HIPK2: variants seen among roughly 807,000 people sequenced by gnomAD.
HIPK2 encodes the protein homeodomain-interacting protein kinase 2.
HIPK2 carries 27 observed loss-of-function variants against 113.7 expected under a neutral mutation model. That is an observed-to-expected ratio of 0.24 (90% CI 0.17 to 0.33). The LOEUF (loss-of-function observed/expected upper bound fraction) is 0.33. Among genes scored for constraint, HIPK2 ranks in the 10% least tolerant of loss-of-function variants. HIPK2 has a pLI of 1.00. For synonymous variants in HIPK2, 631 were observed against 642.2 expected (o/e 0.98, Z 0.26); for missense variants, 1,257 against 1,588.0 (o/e 0.79, Z 3.54).
chr7:139,760,286 G>T (rs71543343), intron 1 of HIPK2, among the ~76,000 whole-genome samples: 2,073 of 151,712 alleles, frequency 0.014, 22 homozygotes, highest in Non-Finnish European at 0.022. Flanking sequence ...TTACAGGCGT[G>T]AGCCACCGCA....
chr7:139,575,946 C>T (rs912278635), intron 13 of HIPK2, among the ~76,000 whole-genome samples: 1 of 152,222 alleles, frequency 6.6e-6, no homozygotes, highest in African/African-American at 2.4e-5. Context: ...CTTGGACTTC[C>T]AGTCTTCAGA....
chr7:139,723,302 T>C (rs922101744), intron 1 of HIPK2, among the ~76,000 whole-genome samples: 46 of 151,592 alleles, frequency 3.0e-4, no homozygotes, highest in Non-Finnish European at 5.9e-5. Flanking sequence ...CAAGCGAATC[T>C]CCTGCCTCAG....
At chr7:139,718,559 G>A (rs1418641548) in intron 1 of HIPK2, among the ~76,000 whole-genome samples, 2 of 152,128 alleles carry the variant, frequency 1.3e-5, no homozygotes, top group Non-Finnish European at 2.9e-5. Context: ...GAGAGAAAGA[G>A]GTGTTGCTCT....
chr7:139,755,215 C>T (rs1206050284), intron 1 of HIPK2, among the ~76,000 whole-genome samples: 25 of 152,316 alleles, frequency 1.6e-4, no homozygotes, highest in Non-Finnish European at 5.9e-5. Context: ...TAAAGAGATG[C>T]TCTTTTTCCC....
chr7:139,697,006 A>G (rs1244446171), intron 2 of HIPK2, among the ~76,000 whole-genome samples: 5 of 152,232 alleles, frequency 3.3e-5, no homozygotes, highest in African/African-American at 1.2e-4. Context: ...AGTTGCAGAA[A>G]TGGAATTTTA....
chr7:139,749,031 A>G (rs533272994), intron 1 of HIPK2, among the ~76,000 whole-genome samples: 2 of 152,380 alleles, frequency 1.3e-5, no homozygotes, highest in East Asian at 3.9e-4. Flanking sequence ...CAAAAACCTG[A>G]CCTTGAATAC....
At chr7:139,616,174 T>C (rs1010608355) in intron 7 of HIPK2, among the ~76,000 whole-genome samples, 2 of 152,170 alleles carry the variant, frequency 1.3e-5, no homozygotes, top group African/African-American at 2.4e-5. Context: ...TGCCAGCCAC[T>C]GCTCCTGCTG....
rs1799529452 is a variant in HIPK2, at chr7:139,604,020, G to T, written c.2255+61C>A. 1.9e-6 allele frequency: 3 copies of T among 1,606,808 alleles called. No homozygotes were observed. The East Asian group carries it at 6.7e-5, about 36-fold the overall frequency. ...AGGCCAGCCTGGCAGCCCTGTGTTG[G>T]CAGTGGACGTGCCTCCCATCCCAGA... is the stretch of plus-strand genomic sequence containing the variant. On this transcript the variant is annotated intron_variant, in intron 10 of 14. Coordinates refer to ENST00000406875, the MANE Select transcript of HIPK2 (RefSeq NM_022740.5).
At chr7:139,758,100 T>A (rs1210575439) in intron 1 of HIPK2, among the ~76,000 whole-genome samples, 2 of 152,130 alleles carry the variant, frequency 1.3e-5, no homozygotes, top group Non-Finnish European at 2.9e-5. Flanking sequence ...TTTAATGTGA[T>A]CCCAATGGAA....
intron 2 of HIPK2, among the ~76,000 whole-genome samples, chr7:139,638,205 GC>G (rs1800876023): frequency 2.0e-5 from 3 of 152,250 alleles, no homozygotes; most frequent in East Asian, 1.9e-4. Context: ...CCTCACTACA[GC>G]CACCTGCTGC....
intron 6 of HIPK2, among the ~76,000 whole-genome samples, chr7:139,621,996 T>C (rs750455680): frequency 2.4e-4 from 36 of 151,752 alleles, no homozygotes; most frequent in Non-Finnish European, 4.4e-4. Context: ...AAATGTCTAT[T>C]TTAATTATAA....
At chr7:139,643,899 G>C (rs886735182) in intron 2 of HIPK2, among the ~76,000 whole-genome samples, 5 of 152,134 alleles carry the variant, frequency 3.3e-5, no homozygotes, top group Non-Finnish European at 7.4e-5. Context: ...GGCCTGGGTG[G>C]CCCAATATCC....
chr7:139,710,060 C>T (rs1275645926), intron 2 of HIPK2, among the ~76,000 whole-genome samples: 1 of 152,082 alleles, frequency 6.6e-6, no homozygotes, highest in Non-Finnish European at 1.5e-5. Context: ...CTCAAAACAT[C>T]CCCACAACTT....
intron 2 of HIPK2, among the ~76,000 whole-genome samples, chr7:139,677,260 G>GAC (rs71170909): frequency 0.34 from 51,223 of 149,842 alleles, 9,637 homozygotes; most frequent in East Asian, 0.77. Flanking sequence ...TATATATGGA[G>GAC]ACACACACAC....
At chr7:139,687,652 A>G (rs755100387) in intron 2 of HIPK2, among the ~76,000 whole-genome samples, 5 of 151,054 alleles carry the variant, frequency 3.3e-5, no homozygotes, top group African/African-American at 9.7e-5. Context: ...TCCCATGTCT[A>G]AAGTCCCTCA....
intron 2 of HIPK2, among the ~76,000 whole-genome samples, chr7:139,662,475 A>C (rs1801897813): frequency 6.6e-6 from 1 of 152,198 alleles, no homozygotes; most frequent in Non-Finnish European, 1.5e-5. Flanking sequence ...CACTTGCCAA[A>C]GAAATCCTGT....
intron 2 of HIPK2, among the ~76,000 whole-genome samples, chr7:139,640,320 C>G (rs1800966542): frequency 6.6e-6 from 1 of 152,224 alleles, no homozygotes; most frequent in Admixed American, 6.5e-5. Context: ...TGACTGCACA[C>G]ACTGAGAAGC....
At chr7:139,664,025 C>T (rs961732895) in intron 2 of HIPK2, among the ~76,000 whole-genome samples, 1 of 152,218 alleles carries the variant, frequency 6.6e-6, no homozygotes, top group East Asian at 1.9e-4. Flanking sequence ...TCTGCCCCCA[C>T]GCTTGGTACC....
In HIPK2 at chr7:139,716,240, T is replaced by C; in HGVS notation, c.795A>G (p.Glu265=). Residue 265 remains glutamate, a synonymous_variant, in exon 2 of 15, where the codon GAA becomes GAG. Transcript: ENST00000406875. This position sits in a 1 kb window ranked among gnomAD's most constrained non-coding sequence, Gnocchi z 9.3. ...ADDYNFVRAY[E]CFQHKNHTCL... ...ACGTGTGGTTCTTGTGCTGGAAGCATTCGTAGGCCCGGACGAAGTTATAGT... is the reference window on the plus strand; with the variant it reads ...ACGTGTGGTTCTTGTGCTGGAAGCACTCGTAGGCCCGGACGAAGTTATAGT... The C allele has an allele frequency of 1.2e-6, 2 of 1,614,014 alleles. No homozygotes were observed. Among genetic ancestry groups the C allele is most frequent in the Non-Finnish European group, 8.5e-7 (1 of 1,179,904 alleles).
Sources: allele counts gnomAD v4.1 joint callset (sites outside exome capture counted in the v4.1 genomes callset), GRCh38; gene constraint gnomAD v4.1.1; non-coding constraint Gnocchi (gnomAD v3.1); transcripts MANE v1.5; gene names NCBI Gene and HGNC (gene_info 2026-07-23, HGNC 2026-07-21).